The following SSBP3 variants were observed in gnomAD, a reference collection of about 807,000 sequenced individuals.
The protein encoded by SSBP3 is single stranded DNA binding protein 3, also known as single-stranded DNA-binding protein 3.
In SSBP3, 5 loss-of-function variants were observed where a neutral mutation model predicts 69.6. The observed-to-expected ratio is 0.07, with a 90% CI of 0.04 to 0.15. The LOEUF (loss-of-function observed/expected upper bound fraction) is 0.15, where lower values mean the gene tolerates loss of function less well. Among genes scored for constraint, SSBP3 ranks in the 10% least tolerant of loss-of-function variants. SSBP3 has a pLI of 1.00. For missense variants in SSBP3, 312 were observed against 534.0 expected, an observed-to-expected ratio of 0.58 and a Z score of 4.10; for synonymous variants, 196 against 193.4, an observed-to-expected ratio of 1.01 and a Z score of -0.11.
intron 4 of SSBP3, among the ~76,000 whole-genome samples, chr1:54,351,333 A>C (rs1646777690): frequency 6.6e-6 from 1 of 152,352 alleles, no homozygotes; most frequent in South Asian, 2.1e-4. Context: ...CTGTTCTCTC[A>C]GGTATAAAAT....
At chr1:54,404,679 G>A in intron 2 of SSBP3, 42 bp from the exon 3 acceptor site, 3 of 1,609,486 alleles carry the variant, frequency 1.9e-6, no homozygotes, top group East Asian at 2.2e-5. Flanking sequence ...GAGCAGAGAC[G>A]GGGTGGGCTG....
intron 4 of SSBP3, chr1:54,286,893 C>T (rs1645500017): frequency 6.6e-6 from 1 of 152,208 alleles, no homozygotes; most frequent in South Asian, 2.1e-4. Context: ...TCAACAAATC[C>T]CAATACCACC....
chr1:54,409,474 A>G (rs566070733), upstream of SSBP3, among the ~76,000 whole-genome samples: 5 of 152,140 alleles, frequency 3.3e-5, no homozygotes, highest in South Asian at 8.3e-4. Context: ...GTATGTTAAC[A>G]CTCAGTGCAG....
At chr1:54,359,239 A>G (rs1646916036) in intron 4 of SSBP3, among the ~76,000 whole-genome samples, 1 of 147,686 alleles carries the variant, frequency 6.8e-6, no homozygotes, top group South Asian at 2.2e-4. Flanking sequence ...AAGCTGTCAT[A>G]GGAAGAAGTC....
chr1:54,395,587 G>A (rs891565702), intron 4 of SSBP3, among the ~76,000 whole-genome samples: 4 of 152,124 alleles, frequency 2.6e-5, no homozygotes, highest in African/African-American at 9.7e-5. Context: ...CGGTGGGGGG[G>A]TTTAGAATCA....
chr1:54,330,587 C>T (rs747966541), intron 4 of SSBP3, among the ~76,000 whole-genome samples: 19 of 152,228 alleles, frequency 1.2e-4, no homozygotes, highest in Non-Finnish European at 2.8e-4. Flanking sequence ...CCCTAGGTTC[C>T]TCATGCACAT....
At chr1:54,373,084 T>G (rs1329290572) in intron 4 of SSBP3, among the ~76,000 whole-genome samples, 1 of 152,212 alleles carries the variant, frequency 6.6e-6, no homozygotes, top group Non-Finnish European at 1.5e-5. Flanking sequence ...GCCCTCTTCC[T>G]GGTGTCACCC....
At chr1:54,396,193 G>GAAAAA (rs59276509) in intron 4 of SSBP3, among the ~76,000 whole-genome samples, 23 of 40,568 alleles carry the variant, frequency 5.7e-4, no homozygotes, top group South Asian at 1.5e-3. Flanking sequence ...CTCCATCTCA[G>GAAAAA]AAAAAAAAAA....
chr1:54,238,144 A>G (rs1482949020), intron 14 of SSBP3: 1 of 470,996 alleles, frequency 2.1e-6, no homozygotes, highest in Admixed American at 2.3e-5. Flanking sequence ...CAGGCCAGAA[A>G]CCATCCCTCA....
At chr1:54,351,895 A>G (rs1241395918) in intron 4 of SSBP3, among the ~76,000 whole-genome samples, 3 of 152,056 alleles carry the variant, frequency 2.0e-5, no homozygotes, top group Admixed American at 1.3e-4. Flanking sequence ...ACCCATCCAA[A>G]CATCTGTATG....
Position 54,405,501 on chromosome 1 carries a change from C to T in SSBP3, c.56+452G>A, listed in dbSNP as rs117664746. The T allele has an allele frequency of 9.4e-3, 1,455 of 154,642 alleles. 54 individuals are homozygous for T. In the East Asian group the frequency reaches 0.13, roughly 13 times the overall value. The allele number at this position is 154,642 out of a possible 1,614,324, so 9.6% of individuals were successfully genotyped here. On this transcript the variant is annotated intron_variant, in intron 1 of 17. Transcript: ENST00000610401. ...GAGAGCGCTCCCGGCCGAACAAAGCCCCCGGCACGCACTCCTCACGCCGCG... is the reference window on the plus strand; with the variant it reads ...GAGAGCGCTCCCGGCCGAACAAAGCTCCCGGCACGCACTCCTCACGCCGCG...
chr1:54,299,518 T>C (rs1254675654), intron 4 of SSBP3, among the ~76,000 whole-genome samples: 2 of 151,122 alleles, frequency 1.3e-5, no homozygotes, highest in Non-Finnish European at 2.9e-5. Context: ...TTTTTTTTAA[T>C]GCATTACACA....
intron 4 of SSBP3, among the ~76,000 whole-genome samples, chr1:54,284,495 T>A (rs1237267108): frequency 6.6e-6 from 1 of 152,036 alleles, no homozygotes; most frequent in Non-Finnish European, 1.5e-5. Flanking sequence ...TTATTATAAT[T>A]AGAGACCTAG....
intron 11 of SSBP3, among the ~76,000 whole-genome samples, 195 bp downstream of exon 11, chr1:54,241,969 C>T (rs1256461066): frequency 6.6e-6 from 1 of 152,158 alleles, no homozygotes; most frequent in Admixed American, 6.5e-5. Flanking sequence ...GCAGGCAGGG[C>T]AGGGGTGGAG....
chr1:54,228,170 C>G, intron 17 of SSBP3, 85 bp downstream of exon 17: 19 of 1,262,386 alleles, frequency 1.5e-5, no homozygotes, highest in Non-Finnish European at 2.0e-5. Context: ...TGGCAGGCTG[C>G]AGCCCGGCTC....
At chr1:54,296,397 C>A (rs1175086203) in intron 4 of SSBP3, among the ~76,000 whole-genome samples, 1 of 152,200 alleles carries the variant, frequency 6.6e-6, no homozygotes, top group Non-Finnish European at 1.5e-5. Flanking sequence ...GTCTGTTTTT[C>A]TTCTATTTTT....
chr1:54,342,278 T>G (rs1646622644), intron 4 of SSBP3, among the ~76,000 whole-genome samples: 1 of 152,262 alleles, frequency 6.6e-6, no homozygotes, highest in Admixed American at 6.5e-5. Flanking sequence ...CCACGCCCAC[T>G]TGTTTCACTT....
chr1:54,254,800 C>T (rs917633842), intron 7 of SSBP3, among the ~76,000 whole-genome samples: 1 of 152,162 alleles, frequency 6.6e-6, no homozygotes, highest in Non-Finnish European at 1.5e-5. Context: ...TCACAGGAAA[C>T]TGGAAAACCA....
intron 6 of SSBP3, 186 bp from the exon 7 acceptor site, chr1:54,257,372 A>C: frequency 1.9e-6 from 1 of 539,434 alleles, no homozygotes; most frequent in Non-Finnish European, 3.2e-6. Flanking sequence ...GATCCACACA[A>C]CAAATGTGTC....
Sources: gnomAD v4.1 joint callset for allele counts (sites outside exome capture counted in the v4.1 genomes callset) on GRCh38, gnomAD v4.1.1 for gene constraint, MANE v1.5 for transcripts, NCBI Gene and HGNC (gene_info 2026-07-23, HGNC 2026-07-21) for gene names.